Variants in ADAP1 observed in about 807,000 individuals in gnomAD.
ADAP1 encodes ArfGAP with dual PH domains 1.
A neutral mutation model predicts 54.9 loss-of-function variants in ADAP1; 31 were observed. The observed-to-expected ratio is 0.56, with a 90% CI of 0.42 to 0.76. ADAP1 has a LOEUF of 0.76. Among genes scored for constraint, ADAP1 ranks in the 30% least tolerant of loss-of-function variants. ADAP1 has a pLI of 0.00. For synonymous variants in ADAP1, 313 were observed against 202.6 expected (o/e 1.55, Z -4.63); for missense variants, 535 against 512.4 (o/e 1.04, Z -0.42).
In ADAP1 at chr7:945,513, C is replaced by A. The variant is rs1847115578; in HGVS notation, c.82+8883G>T. ...AATGCCTGGAGTCAGCACCCACGGC[C>A]TGTGGTGCCCCCAGAACAGGCCACA... is the stretch of plus-strand genomic sequence containing the variant. On this transcript the variant is annotated intron_variant, in intron 1 of 10. Transcript: ENST00000265846. The surrounding 1 kb of genome is among the most constrained non-coding windows in gnomAD (Gnocchi z 4.2). Among the ~76,000 whole-genome samples the A allele has an allele frequency of 6.6e-6, 1 of 152,244 alleles. No individual in the cohort carries two copies. Among genetic ancestry groups the A allele is most frequent in the Admixed American group, 6.5e-5 (1 of 15,294 alleles).
At chr7:913,377 AT>A (rs199671067) in intron 4 of ADAP1, among the ~76,000 whole-genome samples, 8,599 of 150,828 alleles carry the variant, frequency 0.057, 337 homozygotes, top group African/African-American at 0.1. Flanking sequence ...ATTTTTTTGT[AT>A]TTTTAGTAGA....
intron 6 of ADAP1, 96 bp from the exon 7 acceptor site, chr7:900,712 C>A (rs1267285942): frequency 9.3e-7 from 1 of 1,075,546 alleles, no homozygotes; most frequent in Non-Finnish European, 1.4e-6. Flanking sequence ...GCCGCTTCCC[C>A]CAGAGCCCAG....
intron 4 of ADAP1, among the ~76,000 whole-genome samples, chr7:909,742 C>T (rs1345073967): frequency 6.6e-6 from 1 of 152,238 alleles, no homozygotes; most frequent in African/African-American, 2.4e-5. Context: ...GCCATTTTCT[C>T]TTAAAGGACT....
At chr7:902,696 A>G (rs144839245) in intron 6 of ADAP1, among the ~76,000 whole-genome samples, 1 of 151,964 alleles carries the variant, frequency 6.6e-6, no homozygotes, top group East Asian at 2.0e-4. Flanking sequence ...TAGATAAGAA[A>G]GCAATCCCTG....
rs1002894498 is a variant in ADAP1 at position 898,598 on chromosome 7, C to T, written c.*323G>A. 4.5e-6 allele frequency: 2 copies of T among 443,154 alleles called. No individual in the cohort carries two copies. Among genetic ancestry groups the T allele is most frequent in the Middle Eastern group, 6.4e-4 (1 of 1,552 alleles). 27.5% of individuals were successfully genotyped at this position (443,154 alleles called of 1,614,324 possible). On this transcript the variant is annotated 3_prime_UTR_variant, in exon 11 of 11. Transcript: ENST00000265846. The stretch of plus-strand genomic sequence containing the variant: ...AAGTTCCCACAGCCGTGGTGGGCGG[C>T]TCCTGGGGGCTGTGTCTGAGCTCGG...
At chr7:941,566 G>A (rs1180155109) in intron 1 of ADAP1, among the ~76,000 whole-genome samples, 1 of 152,184 alleles carries the variant, frequency 6.6e-6, no homozygotes, top group Non-Finnish European at 1.5e-5. Context: ...AGCATAAAAT[G>A]TATGAAAGAG....
chr7:923,746 G>A lies in ADAP1; in HGVS notation c.305+2807C>T, dbSNP rs545991774. 3.3e-5 allele frequency among the ~76,000 whole-genome samples: 5 copies of A among 152,236 alleles called. No homozygotes were observed. In the East Asian group the frequency reaches 9.7e-4, roughly 30 times the overall value. On this transcript the variant is annotated intron_variant, in intron 3 of 10. Transcript: ENST00000265846. ...GGGGGCCTTCCAGGACCCTGCTCCG[G>A]ACGCTGCCCGCCACTCTTAGCTCCT...
intron 4 of ADAP1, among the ~76,000 whole-genome samples, chr7:915,281 T>TC (rs1298139561): frequency 4.0e-5 from 6 of 151,752 alleles, no homozygotes; most frequent in African/African-American, 1.5e-4. Flanking sequence ...CCCGTACATC[T>TC]CGTCTGTGTA....
At chr7:953,774 G>T (rs1583194609) in intron 1 of ADAP1, among the ~76,000 whole-genome samples, 1 of 152,220 alleles carries the variant, frequency 6.6e-6, no homozygotes, top group Non-Finnish European at 1.5e-5. Flanking sequence ...ACCGAGTCAG[G>T]GATGCCCGGC....
At chr7:927,371 C>T in intron 2 of ADAP1, 2 of 681,958 alleles carry the variant, frequency 2.9e-6, no homozygotes, top group Non-Finnish European at 2.3e-6. Context: ...TATGGTGAGC[C>T]TTGAGCAGCA....
In ADAP1 at chr7:919,928, G is replaced by C. The variant is rs764566030; in HGVS notation, c.388+40C>G. 5 of 1,518,264 alleles carry C rather than the reference G, an allele frequency of 3.3e-6. No individual in the cohort carries two copies. The African/African-American group carries it at 5.8e-5, about 17-fold the overall frequency. 94.0% of individuals were successfully genotyped at this position (1,518,264 alleles called of 1,614,324 possible). On this transcript the variant is annotated intron_variant, in intron 4 of 10. Transcript: ENST00000265846. ...GGGGAGGGAGGGAGAGAGCCAGGGA[G>C]AGGTAGCCGGGAGGCCCCACCCCAC...
At chr7:916,536 C>T (rs908310536) in intron 4 of ADAP1, among the ~76,000 whole-genome samples, 6 of 152,126 alleles carry the variant, frequency 3.9e-5, no homozygotes, top group African/African-American at 1.4e-4. Flanking sequence ...CCGAGGGAAA[C>T]GGAGGGGCTC....
intron 7 of ADAP1, 137 bp from the exon 8 acceptor site, chr7:900,301 C>T: frequency 8.9e-7 from 1 of 1,118,030 alleles, no homozygotes; most frequent in Non-Finnish European, 1.3e-6. Flanking sequence ...TCCGCAGGAT[C>T]CACATTTCTG....
At chr7:929,673 T>C (rs1846505064) in intron 2 of ADAP1, among the ~76,000 whole-genome samples, 1 of 151,998 alleles carries the variant, frequency 6.6e-6, no homozygotes, top group Non-Finnish European at 1.5e-5. Flanking sequence ...ACCGGCTGTG[T>C]TGGGACGTTA....
intron 4 of ADAP1, among the ~76,000 whole-genome samples, chr7:912,825 T>C (rs555134499): frequency 2.0e-5 from 3 of 151,972 alleles, no homozygotes; most frequent in East Asian, 2.0e-4. Context: ...CTCAGCCTCC[T>C]GAGTAGCTGG....
chr7:899,953 C>A (rs1342180165), intron 8 of ADAP1, 149 bp downstream of exon 8: 12 of 985,358 alleles, frequency 1.2e-5, no homozygotes, highest in Non-Finnish European at 1.9e-5. Flanking sequence ...TCCTCGGGGA[C>A]CCCGGCCAGG....
chr7:941,971 C>G (rs1273882878), intron 1 of ADAP1, among the ~76,000 whole-genome samples: 1 of 152,176 alleles, frequency 6.6e-6, no homozygotes, highest in Non-Finnish European at 1.5e-5. Context: ...GGAACAGAAT[C>G]GGGAATCTAG....
At chr7:943,792 G>GT (rs376752649) in intron 1 of ADAP1, among the ~76,000 whole-genome samples, 20 of 72,254 alleles carry the variant, frequency 2.8e-4, no homozygotes, top group African/African-American at 1.1e-3. Flanking sequence ...GAGGAAGGGA[G>GT]GAGGAGGAAG....
chr7:925,658 G>C (rs867679792), intron 3 of ADAP1, among the ~76,000 whole-genome samples: 2 of 152,268 alleles, frequency 1.3e-5, no homozygotes, highest in Non-Finnish European at 2.9e-5. Flanking sequence ...AGCCCAGGCT[G>C]TCTCAGCCCC....
Sources: gnomAD v4.1 joint callset for allele counts (sites outside exome capture counted in the v4.1 genomes callset) on GRCh38, gnomAD v4.1.1 for gene constraint, Gnocchi (gnomAD v3.1) non-coding constraint, MANE v1.5 for transcripts, NCBI Gene and HGNC (gene_info 2026-07-23, HGNC 2026-07-21) for gene names.